The following CSMD3 variants were observed in gnomAD, a reference collection of about 807,000 sequenced individuals.
The protein encoded by CSMD3 is CUB and sushi domain-containing protein 3.
CSMD3 carries 177 observed loss-of-function variants against 435.2 expected under a neutral mutation model. The ratio of observed to expected loss-of-function variants is 0.41; its 90% CI spans 0.36 to 0.46. The LOEUF (loss-of-function observed/expected upper bound fraction) is 0.46. CSMD3 is among the 20% of genes least tolerant of loss of function. The probability of loss-of-function intolerance (pLI) is 0.34; values close to 1 mark genes in which losing one functional copy is unlikely to be tolerated. For synonymous variants in CSMD3, 1,656 were observed against 1,520.5 expected (o/e 1.09, Z -2.07); for missense variants, 4,265 against 4,504.6 (o/e 0.95, Z 1.52).
intron 66 of CSMD3, among the ~76,000 whole-genome samples, chr8:112,238,455 T>C (rs1490279168): frequency 6.6e-6 from 1 of 152,046 alleles, no homozygotes; most frequent in Admixed American, 6.6e-5. Flanking sequence ...GTTGAGTTTT[T>C]ACTGAATATT....
chr8:112,676,673 C>T (rs2075776048), intron 16 of CSMD3, among the ~76,000 whole-genome samples: 1 of 152,072 alleles, frequency 6.6e-6, no homozygotes, highest in Non-Finnish European at 1.5e-5. Context: ...AGGCATTCAC[C>T]AATGAATAAT....
At chr8:113,312,763 A>G (rs542367063) in intron 2 of CSMD3, 2 of 152,306 alleles carry the variant, frequency 1.3e-5, no homozygotes, top group South Asian at 4.1e-4. Context: ...AACAAAAGAC[A>G]CCAGCTTTTA....
chr8:112,361,545 A>G (rs1010357760), intron 38 of CSMD3, among the ~76,000 whole-genome samples: 4 of 144,434 alleles, frequency 2.8e-5, no homozygotes, highest in Middle Eastern at 3.6e-3. Context: ...GTGTAAATAA[A>G]AGTGTGTATG....
intron 3 of CSMD3, among the ~76,000 whole-genome samples, chr8:113,213,966 T>A (rs1563555054): frequency 6.6e-6 from 1 of 152,032 alleles, no homozygotes; most frequent in Non-Finnish European, 1.5e-5. Flanking sequence ...GGAGGTACAG[T>A]GACAATAAAA....
At chr8:113,050,534 A>G (rs551671172) in intron 5 of CSMD3, among the ~76,000 whole-genome samples, 78 of 152,256 alleles carry the variant, frequency 5.1e-4, no homozygotes, top group Non-Finnish European at 9.7e-4. Context: ...GAATTTGCCA[A>G]CTATTCCAAT....
intron 13 of CSMD3, among the ~76,000 whole-genome samples, chr8:112,764,797 T>A (rs2077933442): frequency 6.6e-6 from 1 of 151,724 alleles, no homozygotes; most frequent in African/African-American, 2.4e-5. Context: ...GTTTGAAAGT[T>A]AAGGTGTCTT....
intron 50 of CSMD3, 41 bp downstream of exon 50, chr8:112,310,937 C>T (rs2130811721): frequency 6.5e-7 from 1 of 1,535,972 alleles, no homozygotes; most frequent in Non-Finnish European, 9.0e-7. Flanking sequence ...GTGCTAATCT[C>T]ACATTCATGT....
chr8:112,649,652 A>G lies in CSMD3; in HGVS notation c.3193+509T>C, dbSNP rs190996129. Among the ~76,000 whole-genome samples, 141 of 152,308 alleles carry G rather than the reference A, an allele frequency of 9.3e-4. No homozygotes were observed. The East Asian group carries it at 0.02, about 22-fold the overall frequency. On this transcript the variant is annotated intron_variant, in intron 19 of 70. Coordinates refer to ENST00000297405, the MANE Select transcript of CSMD3 (RefSeq NM_198123.2). ...CTTATTCTCATAGAAACAAAGAAGCAGTAAGGAACACTAGTATGCTATTTA... is the reference window on the plus strand; with the variant it reads ...CTTATTCTCATAGAAACAAAGAAGCGGTAAGGAACACTAGTATGCTATTTA...
At chr8:112,524,496 G>A (rs529734193) in intron 27 of CSMD3, among the ~76,000 whole-genome samples, 5 of 151,954 alleles carry the variant, frequency 3.3e-5, no homozygotes, top group African/African-American at 4.8e-5. Context: ...ACCAGGTACC[G>A]TGCCAAGTTA....
chr8:113,290,572 A>T (rs1156464006), intron 2 of CSMD3, among the ~76,000 whole-genome samples: 1 of 151,742 alleles, frequency 6.6e-6, no homozygotes, highest in African/African-American at 2.4e-5. Context: ...ATATATCCCA[A>T]TACAACTGGT....
chr8:112,983,381 C>T (rs1252269841), intron 6 of CSMD3, among the ~76,000 whole-genome samples: 1 of 151,390 alleles, frequency 6.6e-6, no homozygotes, highest in Non-Finnish European at 1.5e-5. Flanking sequence ...CTAAAATATA[C>T]ATAAGCCTGC....
intron 13 of CSMD3, among the ~76,000 whole-genome samples, chr8:112,748,612 A>G (rs1341175748): frequency 1.3e-5 from 2 of 152,144 alleles, no homozygotes; most frequent in Non-Finnish European, 2.9e-5. Context: ...TGTTCCCGCA[A>G]TTAGTTTACT....
At chr8:112,772,476 C>A (rs192010071) in intron 13 of CSMD3, among the ~76,000 whole-genome samples, 2 of 152,188 alleles carry the variant, frequency 1.3e-5, no homozygotes, top group East Asian at 3.9e-4. Flanking sequence ...TGCGGAAGGC[C>A]GCAGGGACCT....
intron 10 of CSMD3, among the ~76,000 whole-genome samples, chr8:112,894,282 G>A (rs763730216): frequency 2.6e-5 from 4 of 151,456 alleles, no homozygotes; most frequent in Non-Finnish European, 5.9e-5. Context: ...TTACAAAGTG[G>A]TAAATGATGC....
intron 13 of CSMD3, among the ~76,000 whole-genome samples, chr8:112,782,982 T>C (rs1372704301): frequency 1.3e-5 from 2 of 151,916 alleles, no homozygotes; most frequent in African/African-American, 4.8e-5. Context: ...TGTTAATAAG[T>C]GATAAGCATT....
intron 3 of CSMD3, among the ~76,000 whole-genome samples, chr8:113,215,239 T>C (rs1450343340): frequency 6.6e-6 from 1 of 151,998 alleles, no homozygotes; most frequent in Non-Finnish European, 1.5e-5. Flanking sequence ...TCTGACATGG[T>C]TTGGTTGATC....
At chr8:113,340,973 C>A (rs2094114804) in intron 1 of CSMD3, among the ~76,000 whole-genome samples, 1 of 151,862 alleles carries the variant, frequency 6.6e-6, no homozygotes, top group Admixed American at 6.6e-5. Flanking sequence ...CTTCTTTATT[C>A]TTTGTCACAG....
At chr8:113,206,503 CGAT>C (rs1199720684) in intron 3 of CSMD3, among the ~76,000 whole-genome samples, 2 of 151,936 alleles carry the variant, frequency 1.3e-5, no homozygotes, top group African/African-American at 4.8e-5. Context: ...TTTTCTGTCT[CGAT>C]GATTCCTTAA....
intron 4 of CSMD3, among the ~76,000 whole-genome samples, chr8:113,099,349 T>C (rs2090264280): frequency 6.6e-6 from 1 of 152,068 alleles, no homozygotes; most frequent in South Asian, 2.1e-4. Flanking sequence ...ACTTTGTTTA[T>C]TGACGGAAGA....
Sources: allele counts gnomAD v4.1 joint callset (sites outside exome capture counted in the v4.1 genomes callset), GRCh38; gene constraint gnomAD v4.1.1; transcripts MANE v1.5; gene names NCBI Gene and HGNC (gene_info 2026-07-23, HGNC 2026-07-21).